The following CAP2 variants were observed in gnomAD, a reference collection of about 807,000 sequenced individuals.
CAP2 encodes adenylyl cyclase-associated protein 2.
CAP2 carries 24 observed loss-of-function variants against 57.7 expected under a neutral mutation model. The observed-to-expected ratio is 0.42, with a 90% CI of 0.30 to 0.58. CAP2 has a LOEUF of 0.58. Ranked by LOEUF, CAP2 falls within the 20% of genes least tolerant of loss-of-function variation. CAP2 has a pLI of 0.22. For missense variants in CAP2, 501 were observed against 590.3 expected, an observed-to-expected ratio of 0.85 and a Z score of 1.57; for synonymous variants, 194 against 207.2, an observed-to-expected ratio of 0.94 and a Z score of 0.55.
At chr6:17,531,633 C>G (rs1038362954) in intron 7 of CAP2, 1 of 1,208,430 alleles carries the variant, frequency 8.3e-7, no homozygotes, top group Non-Finnish European at 1.2e-6. Context: ...TCTACACCTT[C>G]CATGGTTCCA....
At chr6:17,438,968 G>A (rs150625750) in intron 3 of CAP2, among the ~76,000 whole-genome samples, 2,464 of 150,444 alleles carry the variant, frequency 0.016, 39 homozygotes, top group South Asian at 0.023. Context: ...AAAATTAGCC[G>A]GGCGTGGTAG....
intron 3 of CAP2, among the ~76,000 whole-genome samples, chr6:17,454,191 T>C (rs1326509967): frequency 1.3e-5 from 2 of 152,038 alleles, no homozygotes; most frequent in Non-Finnish European, 2.9e-5. Flanking sequence ...ATTACGGGCA[T>C]GAGCCACTGC....
At chr6:17,414,665 T>G (rs1759232462) in intron 1 of CAP2, among the ~76,000 whole-genome samples, 1 of 152,216 alleles carries the variant, frequency 6.6e-6, no homozygotes. Context: ...TGATGGGCAT[T>G]TGGGTTGGTT....
chr6:17,473,012 C>G (rs1041188360), intron 4 of CAP2, among the ~76,000 whole-genome samples: 1 of 151,588 alleles, frequency 6.6e-6, no homozygotes, highest in Non-Finnish European at 1.5e-5. Context: ...AGATCCTGTC[C>G]TGTTGGAACA....
intron 9 of CAP2, among the ~76,000 whole-genome samples, chr6:17,542,256 G>A (rs1008968301): frequency 6.6e-5 from 10 of 152,106 alleles, no homozygotes; most frequent in Admixed American, 3.9e-4. Context: ...GAGATGTTTC[G>A]TTCAGTCCCA....
At chr6:17,454,900 T>A (rs956755965) in intron 3 of CAP2, among the ~76,000 whole-genome samples, 1 of 152,182 alleles carries the variant, frequency 6.6e-6, no homozygotes, top group Non-Finnish European at 1.5e-5. Context: ...GAGAGCTTTA[T>A]TTTTTCTAGA....
chr6:17,536,252 G>C (rs1395173561), intron 7 of CAP2: 7 of 456,588 alleles, frequency 1.5e-5, no homozygotes, highest in Non-Finnish European at 3.1e-5. Context: ...AGAAGAGACG[G>C]AGGCAAAGAT....
chr6:17,398,116 A>G (rs950090223), intron 1 of CAP2, among the ~76,000 whole-genome samples: 1 of 152,202 alleles, frequency 6.6e-6, no homozygotes, highest in Non-Finnish European at 1.5e-5. Flanking sequence ...TTCACAACTC[A>G]ATTTCACAGC....
chr6:17,435,321 C>A, intron 3 of CAP2, among the ~76,000 whole-genome samples: 1 of 19,568 alleles, frequency 5.1e-5, no homozygotes, highest in Non-Finnish European at 9.6e-5. Context: ...GAAAATGTGG[C>A]ACATATACAC....
chr6:17,447,289 G>A (rs1051792790), intron 3 of CAP2, among the ~76,000 whole-genome samples: 1 of 152,038 alleles, frequency 6.6e-6, no homozygotes, highest in African/African-American at 2.4e-5. Context: ...CAAAATACTG[G>A]CATTAGAGAT....
chr6:17,547,044 A>G lies in CAP2; in HGVS notation c.1209+3901A>G, dbSNP rs936746939. Among the ~76,000 whole-genome samples, 5 of 152,294 alleles carry G rather than the reference A, an allele frequency of 3.3e-5. No homozygotes were observed. In the South Asian group the frequency reaches 1.0e-3, roughly 32 times the overall value. ...CATTCTTATACACCAATAACAGACA[A>G]ACAGAGAGCCAAATCATGAGTGAAC... On this transcript the variant is annotated intron_variant, in intron 11 of 12. Coordinates refer to ENST00000229922, the MANE Select transcript of CAP2 (RefSeq NM_006366.3).
intron 7 of CAP2, among the ~76,000 whole-genome samples, chr6:17,525,504 A>C (rs773997550): frequency 6.6e-6 from 1 of 151,658 alleles, no homozygotes; most frequent in Non-Finnish European, 1.5e-5. Flanking sequence ...AGCTTCTCCA[A>C]CCTCTGCTTA....
chr6:17,499,858 T>TAAAG, intron 4 of CAP2, among the ~76,000 whole-genome samples: 1 of 149,954 alleles, frequency 6.7e-6, no homozygotes, highest in Non-Finnish European at 1.5e-5. Flanking sequence ...CATAAATAAA[T>TAAAG]AAATAAATAA....
chr6:17,528,070 G>T (rs1475637903), intron 7 of CAP2, among the ~76,000 whole-genome samples: 1 of 152,142 alleles, frequency 6.6e-6, no homozygotes, highest in East Asian at 1.9e-4. Context: ...TTCTGTTTTT[G>T]ACTTCAGTAC....
intron 4 of CAP2, among the ~76,000 whole-genome samples, chr6:17,482,493 G>C (rs1581557186): frequency 7.7e-6 from 1 of 129,386 alleles, no homozygotes; most frequent in African/African-American, 3.1e-5. Flanking sequence ...TGGTGAGAGA[G>C]CGAGACTCCA....
chr6:17,517,919 A>T (rs1406947755), intron 7 of CAP2, among the ~76,000 whole-genome samples: 1 of 152,086 alleles, frequency 6.6e-6, no homozygotes, highest in Non-Finnish European at 1.5e-5. Context: ...ATAAATAAAT[A>T]AATAAATAGT....
At chr6:17,406,937 GA>G (rs148890163) in intron 1 of CAP2, among the ~76,000 whole-genome samples, 1 of 151,890 alleles carries the variant, frequency 6.6e-6, no homozygotes, top group African/African-American at 2.4e-5. Flanking sequence ...CGACCCTGAA[GA>G]AAAAAATGAG....
intron 1 of CAP2, among the ~76,000 whole-genome samples, chr6:17,395,172 G>A (rs1162739390): frequency 1.3e-5 from 2 of 152,186 alleles, no homozygotes; most frequent in African/African-American, 4.8e-5. Context: ...GTTAATGTGA[G>A]AAGTAATTTA....
chr6:17,514,676 G>A (rs1762230738), intron 7 of CAP2, among the ~76,000 whole-genome samples: 1 of 152,020 alleles, frequency 6.6e-6, no homozygotes, highest in Non-Finnish European at 1.5e-5. Context: ...CTTAACTCGG[G>A]AGGCAGACGT....
Sources: allele counts gnomAD v4.1 joint callset (sites outside exome capture counted in the v4.1 genomes callset), GRCh38; gene constraint gnomAD v4.1.1; transcripts MANE v1.5; gene names NCBI Gene and HGNC (gene_info 2026-07-23, HGNC 2026-07-21).